The following SLC35F4 variants were observed in gnomAD, a reference collection of about 807,000 sequenced individuals.
SLC35F4 encodes solute carrier family 35 member F4, also known as chromosome 14 open reading frame 36.
SLC35F4 carries 24 observed loss-of-function variants against 44.2 expected under a neutral mutation model. The observed-to-expected ratio is 0.54, with a 90% CI of 0.39 to 0.76. The LOEUF (loss-of-function observed/expected upper bound fraction) is 0.76, where lower values mean the gene tolerates loss of function less well. Among genes scored for constraint, SLC35F4 ranks in the 30% least tolerant of loss-of-function variants. The pLI, the probability that SLC35F4 is intolerant of heterozygous loss-of-function variation, is 0.00. For missense variants in SLC35F4, 562 were observed against 586.1 expected, an observed-to-expected ratio of 0.96 and a Z score of 0.42; for synonymous variants, 238 against 223.6, an observed-to-expected ratio of 1.06 and a Z score of -0.57.
intron 1 of SLC35F4, among the ~76,000 whole-genome samples, chr14:57,688,234 G>C (rs62005175): frequency 6.6e-6 from 1 of 151,048 alleles, no homozygotes; most frequent in African/African-American, 2.4e-5. Context: ...GAGAGATAGA[G>C]GAAAAAAAAA....
At chr14:57,748,784 G>A (rs937443272) in intron 1 of SLC35F4, among the ~76,000 whole-genome samples, 10 of 152,138 alleles carry the variant, frequency 6.6e-5, no homozygotes, top group Non-Finnish European at 1.3e-4. Context: ...TGGAATTAGA[G>A]GAGAAAAGCA....
At chr14:57,672,597 T>C (rs1360561699) in intron 1 of SLC35F4, among the ~76,000 whole-genome samples, 2 of 152,096 alleles carry the variant, frequency 1.3e-5, no homozygotes, top group African/African-American at 2.4e-5. Flanking sequence ...ATAACTGTCC[T>C]AAAAAGTGAA....
intron 1 of SLC35F4, among the ~76,000 whole-genome samples, chr14:57,896,048 C>T (rs1888861919): frequency 1.3e-5 from 2 of 152,092 alleles, no homozygotes; most frequent in South Asian, 4.1e-4. Flanking sequence ...ACGCTCTTTA[C>T]CCCAAAATGC....
intron 1 of SLC35F4, among the ~76,000 whole-genome samples, chr14:57,820,425 A>G (rs574877516): frequency 6.6e-6 from 1 of 152,314 alleles, no homozygotes; most frequent in Admixed American, 6.5e-5. Context: ...AAGAGTTAGA[A>G]TTCTCCAGAG....
chr14:57,749,069 T>TTGGGTTCAAATATACTAA (rs1256911480), intron 1 of SLC35F4, among the ~76,000 whole-genome samples: 1 of 152,174 alleles, frequency 6.6e-6, no homozygotes, highest in African/African-American at 2.4e-5. Context: ...GCAGCTGAGC[T>TTGGGTTCAAATATACTAA]TGGGTTCAAA....
chr14:57,699,295 GA>G (rs559618704), intron 1 of SLC35F4, among the ~76,000 whole-genome samples: 2 of 152,106 alleles, frequency 1.3e-5, no homozygotes, highest in Non-Finnish European at 2.9e-5. Context: ...TTATAGTACT[GA>G]AATCTTTAAT....
intron 1 of SLC35F4, among the ~76,000 whole-genome samples, chr14:57,947,215 C>T (rs1027272368): frequency 1.4e-5 from 2 of 147,298 alleles, no homozygotes; most frequent in Non-Finnish European, 1.5e-5. Context: ...TAGGTATATT[C>T]GTAAGTTTTT....
chr14:57,748,659 T>C (rs987722271), intron 1 of SLC35F4, among the ~76,000 whole-genome samples: 1 of 152,170 alleles, frequency 6.6e-6, no homozygotes, highest in Non-Finnish European at 1.5e-5. Flanking sequence ...CTAGAGTGTA[T>C]ATTTTACTTA....
intron 7 of SLC35F4, among the ~76,000 whole-genome samples, chr14:57,565,440 T>G (rs1480063665): frequency 1.3e-5 from 2 of 152,218 alleles, no homozygotes; most frequent in African/African-American, 4.8e-5. Flanking sequence ...AGCAATTCTA[T>G]GTTGTAATTA....
intron 1 of SLC35F4, among the ~76,000 whole-genome samples, chr14:57,825,634 A>G (rs10148585): frequency 0.22 from 32,832 of 152,138 alleles, 5,430 homozygotes; most frequent in African/African-American, 0.47. Context: ...TCTCAGCCCA[A>G]AAGCTTCTTA....
intron 1 of SLC35F4, among the ~76,000 whole-genome samples, chr14:57,762,312 T>C (rs2077142771): frequency 1.3e-5 from 2 of 152,192 alleles, no homozygotes; most frequent in African/African-American, 4.8e-5. Flanking sequence ...TCTGGAACTT[T>C]CATTTTGTTC....
At chr14:57,737,114 GTGTGTGTGTGCA>G (rs1219686713) in intron 1 of SLC35F4, among the ~76,000 whole-genome samples, 5 of 151,130 alleles carry the variant, frequency 3.3e-5, no homozygotes, top group Non-Finnish European at 7.4e-5. Flanking sequence ...GTGTGTGTGT[GTGTGTGTGTGCA>G]TGTGTGTGTG....
chr14:57,722,797 G>T (rs962031714), intron 1 of SLC35F4, among the ~76,000 whole-genome samples: 12 of 152,140 alleles, frequency 7.9e-5, no homozygotes, highest in African/African-American at 2.7e-4. Flanking sequence ...AAACTTCTAG[G>T]TTGAATGGAC....
At chr14:57,760,931 C>G (rs1391724835) in intron 1 of SLC35F4, among the ~76,000 whole-genome samples, 1 of 151,822 alleles carries the variant, frequency 6.6e-6, no homozygotes, top group Non-Finnish European at 1.5e-5. Flanking sequence ...CTCTCCATTT[C>G]TCTCTCTCTC....
At chr14:57,739,646 C>T (rs2076555548) in intron 1 of SLC35F4, among the ~76,000 whole-genome samples, 1 of 152,170 alleles carries the variant, frequency 6.6e-6, no homozygotes, top group Non-Finnish European at 1.5e-5. Context: ...TGGCATCCTT[C>T]TTGAGGAGTG....
At chr14:57,594,176 G>C in intron 1 of SLC35F4, 52 bp from the exon 2 acceptor site, 1 of 1,496,618 alleles carries the variant, frequency 6.7e-7, no homozygotes, top group Non-Finnish European at 9.1e-7. Context: ...CAAATTGGAA[G>C]TAGATTTTAT....
intron 1 of SLC35F4, among the ~76,000 whole-genome samples, chr14:57,678,870 A>G (rs896496561): frequency 2.0e-5 from 3 of 152,088 alleles, no homozygotes; most frequent in East Asian, 1.9e-4. Flanking sequence ...ACCCAGATTC[A>G]TAAAGCAAGT....
At chr14:57,876,083 T>G (rs1888394924) in intron 1 of SLC35F4, among the ~76,000 whole-genome samples, 1 of 152,198 alleles carries the variant, frequency 6.6e-6, no homozygotes, top group Non-Finnish European at 1.5e-5. Flanking sequence ...TGCAACCTTT[T>G]GCATGACATG....
At chr14:57,934,997 C>G (rs923357015) in intron 1 of SLC35F4, among the ~76,000 whole-genome samples, 1 of 152,154 alleles carries the variant, frequency 6.6e-6, no homozygotes, top group African/African-American at 2.4e-5. Context: ...TTCAGAAACA[C>G]AGTATTCCAG....
Sources: allele counts gnomAD v4.1 joint callset (sites outside exome capture counted in the v4.1 genomes callset), GRCh38; gene constraint gnomAD v4.1.1; transcripts MANE v1.5; gene names NCBI Gene and HGNC (gene_info 2026-07-23, HGNC 2026-07-21).